TTC7B: variants seen among roughly 807,000 people sequenced by gnomAD.
The protein encoded by TTC7B is tetratricopeptide repeat protein 7B.
A neutral mutation model predicts 106.8 loss-of-function variants in TTC7B; 28 were observed. The observed-to-expected ratio is 0.26, with a 90% CI of 0.19 to 0.36. TTC7B has a LOEUF of 0.36. Among genes scored for constraint, TTC7B ranks in the 10% least tolerant of loss-of-function variants. The probability of loss-of-function intolerance (pLI) is 1.00; values close to 1 mark genes in which losing one functional copy is unlikely to be tolerated. For missense variants in TTC7B, 862 were observed against 1,076.4 expected, an observed-to-expected ratio of 0.80 and a Z score of 2.79; for synonymous variants, 405 against 430.6, an observed-to-expected ratio of 0.94 and a Z score of 0.74.
chr14:90,560,124 G>A (rs989189449), intron 19 of TTC7B, among the ~76,000 whole-genome samples: 14 of 152,194 alleles, frequency 9.2e-5, no homozygotes, highest in Non-Finnish European at 8.8e-5. Context: ...CTCTGCTCCC[G>A]TCTCCTGTGC....
intron 9 of TTC7B, among the ~76,000 whole-genome samples, chr14:90,667,474 G>C (rs1425916649): frequency 6.6e-6 from 1 of 152,050 alleles, no homozygotes; most frequent in Non-Finnish European, 1.5e-5. Context: ...TTGGTGAGAG[G>C]GGGTATTAAC....
chr14:90,702,747 C>T (rs534883839), intron 5 of TTC7B, among the ~76,000 whole-genome samples: 108 of 152,300 alleles, frequency 7.1e-4, no homozygotes, highest in African/African-American at 2.5e-3. Context: ...CAAAAGACAA[C>T]CCATGTCAGG....
intron 5 of TTC7B, among the ~76,000 whole-genome samples, chr14:90,705,535 C>G (rs1849659467): frequency 6.6e-6 from 1 of 152,100 alleles, no homozygotes; most frequent in South Asian, 2.1e-4. Context: ...ATTTCATTGA[C>G]CCCCTCAATT....
intron 4 of TTC7B, among the ~76,000 whole-genome samples, chr14:90,733,182 T>C (rs1889390003): frequency 6.6e-6 from 1 of 152,118 alleles, no homozygotes; most frequent in Admixed American, 6.5e-5. Context: ...TTAGGCACCA[T>C]GTGGGTACAT....
chr14:90,591,069 G>A (rs951851349), intron 18 of TTC7B, among the ~76,000 whole-genome samples: 1 of 152,200 alleles, frequency 6.6e-6, no homozygotes, highest in Non-Finnish European at 1.5e-5. Context: ...GCTGGGCACG[G>A]TGCCTCACAC....
At chr14:90,705,267 C>T (rs1213366325) in intron 5 of TTC7B, among the ~76,000 whole-genome samples, 1 of 152,160 alleles carries the variant, frequency 6.6e-6, no homozygotes, top group African/African-American at 2.4e-5. Flanking sequence ...TCATCTTCTT[C>T]TGAGATACCA....
In TTC7B at chr14:90,676,522, CCT is replaced by C. The variant is rs1566831252; in HGVS notation, c.1151_1152del (p.Glu384ValfsTer11). 1 of 1,613,668 alleles carries C rather than the reference CCT, an allele frequency of 6.2e-7. No homozygotes were observed. The highest frequency in any genetic ancestry group is 8.5e-7 in the Non-Finnish European group (1 of 1,179,724). On this transcript the variant is annotated frameshift_variant and splice_region_variant, in exon 9 of 20. Transcript: ENST00000328459. LOFTEE classifies it high-confidence loss of function. ...GRRGQYEMLS[E>X]CLERAMKFAF... is the part of the protein sequence containing the mutation. ...ATGTCAACCAGACTCAGCAGCTGTACCTCTGACAGCATCTCATACTGGCCTCT... is the reference window on the plus strand; with the variant it reads ...ATGTCAACCAGACTCAGCAGCTGTACCTGACAGCATCTCATACTGGCCTCT...
At chr14:90,598,183 G>C (rs1310930457) in intron 17 of TTC7B, among the ~76,000 whole-genome samples, 1 of 152,210 alleles carries the variant, frequency 6.6e-6, no homozygotes, top group Admixed American at 6.5e-5. Flanking sequence ...AAAAGCCACT[G>C]CAAGACCCAC....
At chr14:90,544,407 C>T (rs1889736280) in intron 19 of TTC7B, among the ~76,000 whole-genome samples, 1 of 152,188 alleles carries the variant, frequency 6.6e-6, no homozygotes, top group South Asian at 2.1e-4. Context: ...CAGAGCCACA[C>T]CTCATGACTC....
chr14:90,565,610 C>A (rs1195075026), intron 19 of TTC7B, among the ~76,000 whole-genome samples: 2 of 151,998 alleles, frequency 1.3e-5, no homozygotes, highest in South Asian at 4.2e-4. Context: ...CTGTGTTGGC[C>A]AGGATGGTCT....
chr14:90,751,821 A>G (rs572637964), intron 3 of TTC7B, among the ~76,000 whole-genome samples: 21 of 152,288 alleles, frequency 1.4e-4, no homozygotes, highest in Admixed American at 7.2e-4. Flanking sequence ...GTCCTGTTCA[A>G]TAGGTACTAT....
intron 1 of TTC7B, among the ~76,000 whole-genome samples, chr14:90,796,512 C>G (rs889839357): frequency 8.5e-5 from 13 of 152,206 alleles, no homozygotes; most frequent in Admixed American, 5.9e-4. Flanking sequence ...TGATCCCCCC[C>G]ACCCGGGGAA....
intron 5 of TTC7B, among the ~76,000 whole-genome samples, chr14:90,727,167 A>G (rs1889136154): frequency 6.6e-6 from 1 of 152,174 alleles, no homozygotes; most frequent in South Asian, 2.1e-4. Flanking sequence ...CACGGGGGAA[A>G]GCCTTAGGAG....
chr14:90,655,620 G>A (rs1187386966), intron 11 of TTC7B, among the ~76,000 whole-genome samples: 3 of 152,094 alleles, frequency 2.0e-5, no homozygotes, highest in African/African-American at 7.2e-5. Context: ...CATGTACCTT[G>A]TGCCAGCAGA....
intron 7 of TTC7B, among the ~76,000 whole-genome samples, chr14:90,683,655 C>T (rs1306550588): frequency 6.6e-6 from 1 of 152,042 alleles, no homozygotes; most frequent in Non-Finnish European, 1.5e-5. Flanking sequence ...AAAGAAGGGT[C>T]CCTCACGCAG....
At chr14:90,795,245 C>T (rs1015255614) in intron 1 of TTC7B, among the ~76,000 whole-genome samples, 4 of 152,180 alleles carry the variant, frequency 2.6e-5, no homozygotes, top group African/African-American at 9.6e-5. Context: ...AAAATGTTTT[C>T]AAGACATTGG....
intron 4 of TTC7B, among the ~76,000 whole-genome samples, chr14:90,733,742 G>A (rs1390978329): frequency 2.0e-5 from 3 of 152,184 alleles, no homozygotes; most frequent in Non-Finnish European, 2.9e-5. Flanking sequence ...AAAAGACCGA[G>A]GCGCGAGGTC....
chr14:90,770,717 C>A (rs1266624052), intron 3 of TTC7B, among the ~76,000 whole-genome samples: 2 of 151,668 alleles, frequency 1.3e-5, no homozygotes, highest in East Asian at 1.9e-4. Flanking sequence ...ACACAATAAA[C>A]CAACTAGACC....
rs1462898905 is a variant in TTC7B, at chr14:90,744,820, G to A, written c.548C>T (p.Ala183Val). 1.9e-6 allele frequency: 3 copies of A among 1,613,926 alleles called. No individual in the cohort carries two copies. The highest frequency in any genetic ancestry group is 2.7e-5 in the African/African-American group (2 of 74,888). ...ITCYEKAGDI[A>V]LLYLQEIERV... ...TTCTATCTCTTGGAGATACAGGAGT[G>A]CGATGTCCCCTGCTTTCTCATAACA... Residue 183 changes from alanine to valine, a missense_variant, in exon 4 of 20, where the codon GCA (alanine) becomes GTA (valine). By Grantham distance (64) the Ala-to-Val change is moderately conservative. Coordinates refer to ENST00000328459, the MANE Select transcript of TTC7B (RefSeq NM_001010854.2).
Sources: gnomAD v4.1 joint callset for allele counts (sites outside exome capture counted in the v4.1 genomes callset) on GRCh38, gnomAD v4.1.1 for gene constraint, MANE v1.5 for transcripts, NCBI Gene and HGNC (gene_info 2026-07-23, HGNC 2026-07-21) for gene names.